TRAPPC9: variants seen among roughly 807,000 people sequenced by gnomAD.
TRAPPC9 encodes the protein IKK2 binding protein.
TRAPPC9 carries 83 observed loss-of-function variants against 124.0 expected under a neutral mutation model. The observed-to-expected ratio is 0.67, with a 90% CI of 0.56 to 0.80. TRAPPC9 has a LOEUF of 0.80. TRAPPC9 is among the 30% of genes least tolerant of loss of function. TRAPPC9 has a pLI of 0.00. For missense variants in TRAPPC9, 1,302 were observed against 1,508.3 expected, an observed-to-expected ratio of 0.86 and a Z score of 2.27; for synonymous variants, 638 against 617.5, an observed-to-expected ratio of 1.03 and a Z score of -0.49.
chr8:139,941,244 C>T (rs11787071), intron 19 of TRAPPC9, among the ~76,000 whole-genome samples: 27,204 of 152,208 alleles, frequency 0.18, 2,511 homozygotes, highest in South Asian at 0.24. Context: ...GCAGTCCACA[C>T]GCACCATGAC....
intron 21 of TRAPPC9, among the ~76,000 whole-genome samples, chr8:139,818,897 ACTCTTTTCTGTGAC>A (rs1163957009): frequency 2.0e-5 from 3 of 152,034 alleles, no homozygotes; most frequent in African/African-American, 7.2e-5. Flanking sequence ...AATTTGTCAC[ACTCTTTTCTGTGAC>A]CTCTTAGTCC....
At chr8:139,928,821 T>C (rs1322043162) in intron 19 of TRAPPC9, among the ~76,000 whole-genome samples, 2 of 151,378 alleles carry the variant, frequency 1.3e-5, no homozygotes, top group Non-Finnish European at 2.9e-5. Flanking sequence ...CTCACCCTTT[T>C]GTGGGTGCAT....
chr8:140,140,302 T>C (rs1410228938), intron 17 of TRAPPC9, among the ~76,000 whole-genome samples: 1 of 152,240 alleles, frequency 6.6e-6, no homozygotes, highest in Non-Finnish European at 1.5e-5. Context: ...ATAAATTACA[T>C]TTAACTTGTT....
At chr8:139,855,559 T>C (rs1827746946) in intron 21 of TRAPPC9, among the ~76,000 whole-genome samples, 1 of 152,188 alleles carries the variant, frequency 6.6e-6, no homozygotes, top group Non-Finnish European at 1.5e-5. Flanking sequence ...TCGGCTCCGC[T>C]CCTGACCTTC....
rs149008161 is a variant in TRAPPC9 at position 140,221,733 on chromosome 8, G to A, written c.2432-150C>T. The A allele has an allele frequency of 3.4e-5, 38 of 1,113,500 alleles. No homozygotes were observed. The East Asian group carries it at 5.9e-4, about 17-fold the overall frequency. 69.0% of individuals were successfully genotyped at this position (1,113,500 alleles called of 1,614,324 possible). A position where few individuals can be genotyped will look rare whatever the true frequency, so the allele number is the denominator to read the frequency against. ...GCTCACTGCAACCTTTGCCTCCTGG[G>A]CTCTGGTGATCCTCCCACCTCAGCC... On this transcript the variant is annotated intron_variant, in intron 16 of 22. Transcript: ENST00000438773.
chr8:139,778,744 T>A (rs542615892), intron 21 of TRAPPC9, among the ~76,000 whole-genome samples: 1 of 152,070 alleles, frequency 6.6e-6, no homozygotes, highest in African/African-American at 2.4e-5. Context: ...GACAAAAAAA[T>A]TTTATTAAAA....
chr8:140,418,099 A>T (rs1490151177), intron 5 of TRAPPC9, among the ~76,000 whole-genome samples: 1 of 152,184 alleles, frequency 6.6e-6, no homozygotes, highest in Non-Finnish European at 1.5e-5. Context: ...ATTAGGAGAA[A>T]TACTTAATGT....
intron 15 of TRAPPC9, among the ~76,000 whole-genome samples, chr8:140,274,220 A>G (rs2065046566): frequency 7.0e-6 from 1 of 142,310 alleles, no homozygotes; most frequent in African/African-American, 2.8e-5. Context: ...AGGAAAAAGG[A>G]AAAAAAAAAC....
At chr8:139,887,148 A>G (rs1391190811) in intron 20 of TRAPPC9, among the ~76,000 whole-genome samples, 1 of 151,844 alleles carries the variant, frequency 6.6e-6, no homozygotes, top group Non-Finnish European at 1.5e-5. Context: ...GCAGCAGGAC[A>G]GGCTAAGGTC....
intron 6 of TRAPPC9, among the ~76,000 whole-genome samples, chr8:140,401,305 C>CT (rs2069258507): frequency 6.6e-6 from 1 of 152,178 alleles, no homozygotes; most frequent in Non-Finnish European, 1.5e-5. Context: ...CATTCCTCCC[C>CT]TTTTCCACAC....
intron 19 of TRAPPC9, among the ~76,000 whole-genome samples, chr8:139,924,365 G>A (rs913045933): frequency 3.3e-5 from 5 of 152,138 alleles, no homozygotes; most frequent in African/African-American, 4.8e-5. Flanking sequence ...CACCTGACCC[G>A]GCCACATGGA....
At chr8:140,156,703 T>A (rs1362030644) in intron 17 of TRAPPC9, among the ~76,000 whole-genome samples, 1 of 152,122 alleles carries the variant, frequency 6.6e-6, no homozygotes, top group East Asian at 1.9e-4. Context: ...TGAAGAAAAA[T>A]CGTCTGTTTC....
At chr8:140,429,457 GTCTA>G (rs2070553410) in intron 4 of TRAPPC9, among the ~76,000 whole-genome samples, 1 of 49,138 alleles carries the variant, frequency 2.0e-5, no homozygotes, top group Non-Finnish European at 7.4e-5. Flanking sequence ...TCCTCAACCT[GTCTA>G]TGCCTCAGTT....
intron 21 of TRAPPC9, among the ~76,000 whole-genome samples, chr8:139,878,080 C>A (rs899177440): frequency 1.3e-5 from 2 of 152,204 alleles, no homozygotes; most frequent in Non-Finnish European, 2.9e-5. Flanking sequence ...CTAGAAAAAG[C>A]CACTACATGT....
chr8:139,993,400 C>T (rs972909758), intron 18 of TRAPPC9, among the ~76,000 whole-genome samples: 5 of 152,152 alleles, frequency 3.3e-5, no homozygotes, highest in African/African-American at 7.2e-5. Context: ...ATTTTTAAAG[C>T]GTCCCAGTAC....
At chr8:139,898,413 T>A (rs1376126114) in intron 20 of TRAPPC9, among the ~76,000 whole-genome samples, 1 of 152,178 alleles carries the variant, frequency 6.6e-6, no homozygotes, top group Non-Finnish European at 1.5e-5. Flanking sequence ...GTCAACTGAA[T>A]GAATGATTTT....
intron 18 of TRAPPC9, among the ~76,000 whole-genome samples, chr8:140,014,912 C>G (rs1206638231): frequency 6.6e-6 from 1 of 152,218 alleles, no homozygotes; most frequent in Non-Finnish European, 1.5e-5. Flanking sequence ...ATAAATAGGA[C>G]TGCTCTTCCT....
At chr8:140,288,689 A>C (rs1283056077) in intron 12 of TRAPPC9, among the ~76,000 whole-genome samples, 2 of 152,248 alleles carry the variant, frequency 1.3e-5, no homozygotes, top group East Asian at 3.8e-4. Flanking sequence ...TACATTTAGC[A>C]AAGTGACAGA....
chr8:139,859,549 C>CA (rs149363108), intron 21 of TRAPPC9, among the ~76,000 whole-genome samples: 2,676 of 152,254 alleles, frequency 0.018, 51 homozygotes, highest in African/African-American at 0.049. Flanking sequence ...TTCTCCATTC[C>CA]AAAAAAGAGA....
Sources: gnomAD v4.1 joint callset for allele counts (sites outside exome capture counted in the v4.1 genomes callset) on GRCh38, gnomAD v4.1.1 for gene constraint, MANE v1.5 for transcripts, NCBI Gene and HGNC (gene_info 2026-07-23, HGNC 2026-07-21) for gene names.